Variants in LAMA4 observed in about 807,000 individuals in gnomAD.
LAMA4 encodes the protein laminin subunit alpha 4.
LAMA4 carries 127 observed loss-of-function variants against 207.1 expected under a neutral mutation model. The observed-to-expected ratio is 0.61, with a 90% CI of 0.53 to 0.71. The LOEUF (loss-of-function observed/expected upper bound fraction) is 0.71, where lower values mean the gene tolerates loss of function less well. Ranked by LOEUF, LAMA4 falls within the 30% of genes least tolerant of loss-of-function variation. The probability of loss-of-function intolerance (pLI) is 0.00; values close to 1 mark genes in which losing one functional copy is unlikely to be tolerated. For missense variants in LAMA4, 2,093 were observed against 2,246.5 expected, an observed-to-expected ratio of 0.93 and a Z score of 1.38; for synonymous variants, 761 against 816.0, an observed-to-expected ratio of 0.93 and a Z score of 1.15.
intron 31 of LAMA4, among the ~76,000 whole-genome samples, chr6:112,128,414 A>G (rs1472710971): frequency 6.6e-6 from 1 of 152,206 alleles, no homozygotes; most frequent in Non-Finnish European, 1.5e-5. Context: ...TGTGGTTATC[A>G]GAGGCTGGGA....
Position 112,191,620 on chromosome 6 carries a change from A to G in LAMA4, c.718+16T>C. 1 of 1,596,912 alleles carries G rather than the reference A, an allele frequency of 6.3e-7. No individual in the cohort carries two copies. The highest frequency in any genetic ancestry group is 8.6e-7 in the Non-Finnish European group (1 of 1,164,746). On this transcript the variant is annotated intron_variant, in intron 6 of 38. Transcript: ENST00000230538. ...ATGCTGGCCAGGCAGCTGGCTTAGTATTTATGATACTGCACCTGCACAGTT... is the reference window on the plus strand; with the variant it reads ...ATGCTGGCCAGGCAGCTGGCTTAGTGTTTATGATACTGCACCTGCACAGTT...
chr6:112,223,327 G>A (rs1482409186), intron 2 of LAMA4, among the ~76,000 whole-genome samples: 1 of 152,210 alleles, frequency 6.6e-6, no homozygotes, highest in Non-Finnish European at 1.5e-5. Flanking sequence ...CAGAATTATA[G>A]GCATTTAGGG....
intron 2 of LAMA4, 79 bp from the exon 3 acceptor site, chr6:112,216,548 A>AAGTG: frequency 1.1e-6 from 1 of 916,112 alleles, no homozygotes; most frequent in Admixed American, 1.8e-5. Context: ...AAATCAGAGA[A>AAGTG]AGTGATTATT....
chr6:112,247,160 T>G (rs1310078982), intron 2 of LAMA4, among the ~76,000 whole-genome samples: 1 of 152,204 alleles, frequency 6.6e-6, no homozygotes, highest in Non-Finnish European at 1.5e-5. Flanking sequence ...TAACTTTGTG[T>G]TGGGCAGCTT....
At chr6:112,252,419 T>C (rs1234456471) in intron 2 of LAMA4, among the ~76,000 whole-genome samples, 2 of 151,960 alleles carry the variant, frequency 1.3e-5, no homozygotes, top group African/African-American at 4.8e-5. Context: ...TACTTTCCTA[T>C]TTTTTTTGTG....
intron 5 of LAMA4, among the ~76,000 whole-genome samples, chr6:112,193,867 C>T (rs1171033742): frequency 1.3e-5 from 2 of 152,246 alleles, no homozygotes; most frequent in East Asian, 3.9e-4. Flanking sequence ...AATTCATGTC[C>T]ATTTTATGTA....
At chr6:112,119,469 A>C (rs1341109973) in intron 33 of LAMA4, among the ~76,000 whole-genome samples, 158 bp from the exon 34 acceptor site, 1 of 152,188 alleles carries the variant, frequency 6.6e-6, no homozygotes, top group East Asian at 1.9e-4. Context: ...TCAGGAGTTT[A>C]TCTCTTCTGT....
At chr6:112,181,921 G>A (rs4526233) in intron 9 of LAMA4, among the ~76,000 whole-genome samples, 99,746 of 151,612 alleles carry the variant, frequency 0.66, 33,193 homozygotes, top group East Asian at 0.83. Flanking sequence ...ACATGGTGAA[G>A]CCCCATCTCT....
At chr6:112,188,718 C>T (rs1378123119) in intron 7 of LAMA4, among the ~76,000 whole-genome samples, 3 of 152,318 alleles carry the variant, frequency 2.0e-5, no homozygotes, top group East Asian at 3.9e-4. Flanking sequence ...CCACTTAAAT[C>T]TCTTGGTATC....
chr6:112,182,979 C>T (rs1342056425), intron 9 of LAMA4, among the ~76,000 whole-genome samples: 3 of 152,158 alleles, frequency 2.0e-5, no homozygotes, highest in African/African-American at 7.2e-5. Context: ...TGGGAAAGGG[C>T]TGTAGGACTT....
chr6:112,144,759 C>T lies in LAMA4; in HGVS notation c.2493+35G>A, dbSNP rs143980962. 1.5e-4 allele frequency: 236 copies of T among 1,609,658 alleles called. No individual in the cohort carries two copies. The African/African-American group carries it at 2.8e-3, about 19-fold the overall frequency. ...GGAGCTCAGCTTCGTGTTATTATTA[C>T]CGCTGACTGACTGATGAGTCTTTTC... On this transcript the variant is annotated intron_variant, in intron 19 of 38. Coordinates refer to ENST00000230538, the MANE Select transcript of LAMA4 (RefSeq NM_001105206.3).
chr6:112,180,576 T>C (rs1263109900), intron 9 of LAMA4, among the ~76,000 whole-genome samples: 2 of 152,234 alleles, frequency 1.3e-5, no homozygotes, highest in African/African-American at 4.8e-5. Flanking sequence ...ATTACAAATG[T>C]ATTAGTCATT....
intron 9 of LAMA4, among the ~76,000 whole-genome samples, chr6:112,180,633 G>A (rs2114908489): frequency 6.6e-6 from 1 of 152,300 alleles, no homozygotes; most frequent in Admixed American, 6.5e-5. Context: ...TGACATAAAA[G>A]TGGCAAGGAT....
rs782689070 is a variant in LAMA4 at position 112,128,920 on chromosome 6, A to C, written c.4287+2T>G. 1.2e-6 allele frequency: 2 copies of C among 1,612,428 alleles called. No homozygotes were observed. Among genetic ancestry groups the C allele is most frequent in the Non-Finnish European group, 8.5e-7 (1 of 1,178,762 alleles). Reference sequence around the variant, plus strand: ...GGAAGTCAGAACGGCATTATCTTTTACCTTTTTATTCTGACTTGCTTTAGG... The same window carrying C: ...GGAAGTCAGAACGGCATTATCTTTTCCCTTTTTATTCTGACTTGCTTTAGG... On this transcript the variant is annotated splice_donor_variant, in intron 31 of 38. Coordinates refer to ENST00000230538, the MANE Select transcript of LAMA4 (RefSeq NM_001105206.3). LOFTEE classifies it high-confidence loss of function.
At chr6:112,251,219 C>T (rs990728110) in intron 2 of LAMA4, 1 of 152,184 alleles carries the variant, frequency 6.6e-6, no homozygotes, top group Non-Finnish European at 1.5e-5. Context: ...AAAGAGGAGA[C>T]TTCCTTTTTG....
rs115610172 is a variant in LAMA4 at position 112,152,722 on chromosome 6, G to A, written c.2057-2095C>T. Among the ~76,000 whole-genome samples, 895 of 152,110 alleles carry A rather than the reference G, an allele frequency of 5.9e-3. 9 individuals are homozygous for A. Among genetic ancestry groups the A allele is most frequent in the African/African-American group, 0.021 (853 of 41,524 alleles). The stretch of plus-strand genomic sequence containing the variant: ...AATGTTATCTTTCCCCCCCAGATAT[G>A]TGTATAATGGGTGGTGGTGTCATGA... On this transcript the variant is annotated intron_variant, in intron 16 of 38. Coordinates refer to ENST00000230538, the MANE Select transcript of LAMA4 (RefSeq NM_001105206.3).
At position 112,129,002 on chromosome 6, in the gene LAMA4, G is replaced by A. The variant is rs1554328614; in HGVS notation, c.4207C>T (p.Pro1403Ser). 6.2e-7 allele frequency: 1 copy of A among 1,612,046 alleles called. No individual in the cohort carries two copies. Among genetic ancestry groups the A allele is most frequent in the South Asian group, 1.1e-5 (1 of 91,022 alleles). ...AGAAACAATGGTGAAGACTCAATGG[G>A]ACACTCATAAAGAGAAGTGTGGACC... is the stretch of plus-strand genomic sequence containing the variant. ...EKVHTSLYEC[P>S]IESSPLFLLH... is the part of the protein sequence containing the mutation. The change falls in exon 31 of 39, where the codon CCC becomes TCC. Residue 1403 changes from proline to serine, a missense_variant. By Grantham distance (74) the Pro-to-Ser change is moderately conservative. Transcript: ENST00000230538.
chr6:112,135,133 G>A (rs529381437), intron 25 of LAMA4, among the ~76,000 whole-genome samples: 3 of 152,174 alleles, frequency 2.0e-5, no homozygotes, highest in Non-Finnish European at 4.4e-5. Context: ...GTGAGCATGT[G>A]TGTTACGCAC....
chr6:112,123,388 C>T (rs1778491035), intron 31 of LAMA4, among the ~76,000 whole-genome samples: 1 of 152,164 alleles, frequency 6.6e-6, no homozygotes. Context: ...TCCCTATTCC[C>T]ATTGAAATGT....
Sources: allele counts gnomAD v4.1 joint callset (sites outside exome capture counted in the v4.1 genomes callset), GRCh38; gene constraint gnomAD v4.1.1; transcripts MANE v1.5; gene names NCBI Gene and HGNC (gene_info 2026-07-23, HGNC 2026-07-21).